SH3PXD2B: variants seen among roughly 807,000 people sequenced by gnomAD.
SH3PXD2B encodes the protein SH3 and PX domain-containing protein 2B.
A neutral mutation model predicts 73.1 loss-of-function variants in SH3PXD2B; 37 were observed. The ratio of observed to expected loss-of-function variants is 0.51; its 90% confidence interval spans 0.39 to 0.67. SH3PXD2B has a LOEUF of 0.67. SH3PXD2B is among the 30% of genes least tolerant of loss of function. The pLI, the probability that SH3PXD2B is intolerant of heterozygous loss-of-function variation, is 0.00. For missense variants in SH3PXD2B, 1,053 were observed against 1,197.8 expected, an observed-to-expected ratio of 0.88 and a Z score of 1.78; for synonymous variants, 457 against 480.5, an observed-to-expected ratio of 0.95 and a Z score of 0.64.
intron 2 of SH3PXD2B, among the ~76,000 whole-genome samples, chr5:172,411,374 A>C (rs1758688610): frequency 6.6e-6 from 1 of 152,150 alleles, no homozygotes; most frequent in Non-Finnish European, 1.5e-5. Flanking sequence ...TGGTCTTAAG[A>C]AGCTGCTCTC....
chr5:172,385,805 G>T (rs1263501393), intron 4 of SH3PXD2B, among the ~76,000 whole-genome samples: 2 of 152,256 alleles, frequency 1.3e-5, no homozygotes, highest in Non-Finnish European at 2.9e-5. Context: ...AACCATAAAA[G>T]AAGTCAAGTT....
At chr5:172,413,856 T>C (rs1455515290) in intron 2 of SH3PXD2B, among the ~76,000 whole-genome samples, 2 of 152,176 alleles carry the variant, frequency 1.3e-5, no homozygotes, top group Non-Finnish European at 2.9e-5. Flanking sequence ...CAGAAGATAA[T>C]GTCTGGGAGA....
At chr5:172,412,030 C>T (rs7726054) in intron 2 of SH3PXD2B, among the ~76,000 whole-genome samples, 78,202 of 151,860 alleles carry the variant, frequency 0.51, 22,031 homozygotes, top group African/African-American at 0.74. Flanking sequence ...AATCTGACTG[C>T]TGTAGCTACC....
chr5:172,358,765 C>T lies in SH3PXD2B; in HGVS notation c.667+8G>A, dbSNP rs1196506649. ...CCCCAGTGAGCAGAGGCTCGAGCTC[C>T]TCCCTACCTTCTTCAGGCTGCAGAG... On this transcript the variant is annotated splice_region_variant and intron_variant, in intron 8 of 12. Transcript: ENST00000311601. The T allele has an allele frequency of 3.1e-6, 5 of 1,609,356 alleles. No homozygotes were observed. The African/African-American group carries it at 5.4e-5, about 17-fold the overall frequency.
At chr5:172,416,180 T>C (rs1758815401) in intron 2 of SH3PXD2B, among the ~76,000 whole-genome samples, 1 of 151,962 alleles carries the variant, frequency 6.6e-6, no homozygotes, top group Admixed American at 6.6e-5. Context: ...TTTAAAAAAT[T>C]AGTCAGGCGT....
chr5:172,404,615 G>A (rs140196428), intron 3 of SH3PXD2B, among the ~76,000 whole-genome samples: 18 of 152,248 alleles, frequency 1.2e-4, no homozygotes, highest in East Asian at 9.7e-4. Context: ...TAAAGGGCCC[G>A]TCCAGCTCTA....
At chr5:172,397,953 G>A (rs1249449244) in intron 3 of SH3PXD2B, among the ~76,000 whole-genome samples, 7 of 152,274 alleles carry the variant, frequency 4.6e-5, no homozygotes, top group African/African-American at 1.2e-4. Context: ...CCGCTGCCAC[G>A]CCTCCTGATC....
rs763196622 is a variant in SH3PXD2B at position 172,333,751 on chromosome 5, T to C, written c.*4618A>G. 3.1e-6 allele frequency: 4 copies of C among 1,289,224 alleles called. No homozygotes were observed. In the South Asian group the frequency reaches 4.9e-5, roughly 16 times the overall value. 79.9% of individuals were successfully genotyped at this position (1,289,224 alleles called of 1,614,324 possible). On this transcript the variant is annotated 3_prime_UTR_variant, in exon 13 of 13. Transcript: ENST00000311601. ...CATCCTATGAGCAGACACGAGGTGG[T>C]GGGCAGTGCCCACTGTTCCTGGAGG...
chr5:172,344,090 TATCATCATC>T, intron 12 of SH3PXD2B, among the ~76,000 whole-genome samples: 1 of 151,632 alleles, frequency 6.6e-6, no homozygotes, highest in South Asian at 2.1e-4. Flanking sequence ...GAGGTGCCTA[TATCATCATC>T]ATCATCATCA....
In SH3PXD2B at chr5:172,337,053, CG is replaced by C; in HGVS notation, c.*1315del. The stretch of plus-strand genomic sequence containing the variant: ...TGGCCCTCGAGGCCACCTCAGCTCC[CG>C]TTGCTCCATAAGCTCTATTCCCCAG... On this transcript the variant is annotated 3_prime_UTR_variant, in exon 13 of 13. Coordinates refer to ENST00000311601, the MANE Select transcript of SH3PXD2B (RefSeq NM_001017995.3). 1.0e-6 allele frequency: 1 copy of C among 985,370 alleles called. No individual in the cohort carries two copies. The highest frequency in any genetic ancestry group is 1.7e-5 in the African/African-American group (1 of 57,254). 61.0% of individuals were successfully genotyped at this position (985,370 alleles called of 1,614,324 possible). A position where few individuals can be genotyped will look rare whatever the true frequency, so the allele number is the denominator to read the frequency against.
In SH3PXD2B at chr5:172,421,367, T is replaced by A. The variant is rs957772720; in HGVS notation, c.156+1049A>T. Among the ~76,000 whole-genome samples, 2 of 152,224 alleles carry A rather than the reference T, an allele frequency of 1.3e-5. No individual in the cohort carries two copies. Among genetic ancestry groups the A allele is most frequent in the African/African-American group, 4.8e-5 (2 of 41,446 alleles). On this transcript the variant is annotated intron_variant, in intron 2 of 12. Transcript: ENST00000311601. The surrounding 1 kb of genome is among the most constrained non-coding windows in gnomAD (Gnocchi z 4.0). The stretch of plus-strand genomic sequence containing the variant: ...TGTTCACATTCTGCCTGGCTCCCTA[T>A]AAGACTGGTAGTATACATGGTGTTC...
chr5:172,422,969 G>A (rs1286391188), intron 1 of SH3PXD2B, among the ~76,000 whole-genome samples: 1 of 152,084 alleles, frequency 6.6e-6, no homozygotes, highest in Non-Finnish European at 1.5e-5. Context: ...TTTTTTCCCC[G>A]AGTCCCAGTT....
chr5:172,425,225 G>C (rs6860574), intron 1 of SH3PXD2B, among the ~76,000 whole-genome samples: 21,178 of 151,984 alleles, frequency 0.14, 3,014 homozygotes, highest in African/African-American at 0.37. Flanking sequence ...CACTCATTCA[G>C]TCTTCAACAT....
chr5:172,388,099 G>A (rs900892116), intron 4 of SH3PXD2B, among the ~76,000 whole-genome samples: 4 of 152,096 alleles, frequency 2.6e-5, no homozygotes, highest in African/African-American at 9.7e-5. Context: ...CTGTTTCTGG[G>A]TTTTCTATTT....
intron 3 of SH3PXD2B, among the ~76,000 whole-genome samples, chr5:172,395,857 C>G (rs1326855023): frequency 6.6e-6 from 1 of 151,980 alleles, no homozygotes; most frequent in Non-Finnish European, 1.5e-5. Context: ...GTGGGAGGAC[C>G]AAAGCTGCTC....
chr5:172,380,054 G>A (rs1411404500), intron 5 of SH3PXD2B, among the ~76,000 whole-genome samples: 1 of 151,974 alleles, frequency 6.6e-6, no homozygotes, highest in Non-Finnish European at 1.5e-5. Flanking sequence ...AGGAATGACA[G>A]GTTTTTTTGT....
chr5:172,344,136 G>A (rs1756925062), intron 12 of SH3PXD2B, among the ~76,000 whole-genome samples: 2 of 152,034 alleles, frequency 1.3e-5, no homozygotes, highest in Non-Finnish European at 2.9e-5. Context: ...ACATCCTGAA[G>A]ATAAACAGCC....
intron 6 of SH3PXD2B, among the ~76,000 whole-genome samples, chr5:172,364,116 C>T (rs1378573896): frequency 2.6e-5 from 4 of 152,060 alleles, no homozygotes; most frequent in Admixed American, 1.3e-4. Context: ...TAAGACATAT[C>T]TGACAAATAA....
chr5:172,379,246 A>T (rs1257101681), intron 5 of SH3PXD2B, among the ~76,000 whole-genome samples: 1 of 149,610 alleles, frequency 6.7e-6, no homozygotes, highest in Non-Finnish European at 1.5e-5. Flanking sequence ...AGGTAAGAGG[A>T]TCGCTTGAGC....
Sources: allele counts gnomAD v4.1 joint callset (sites outside exome capture counted in the v4.1 genomes callset), GRCh38; gene constraint gnomAD v4.1.1; non-coding constraint Gnocchi (gnomAD v3.1); transcripts MANE v1.5; gene names NCBI Gene and HGNC (gene_info 2026-07-23, HGNC 2026-07-21).